NRXN1: variants seen among roughly 807,000 people sequenced by gnomAD.
NRXN1 encodes the protein neurexin-1.
NRXN1 carries 39 observed loss-of-function variants against 150.9 expected under a neutral mutation model. That is an observed-to-expected ratio of 0.26 (90% CI 0.20 to 0.34). The LOEUF is 0.34. Among genes scored for constraint, NRXN1 ranks in the 10% least tolerant of loss-of-function variants. The pLI is 1.00. For synonymous variants in NRXN1, 924 were observed against 757.0 expected (o/e 1.22, Z -3.62); for missense variants, 1,815 against 1,949.9 (o/e 0.93, Z 1.30).
chr2:50,064,049 G>A (rs988649281), intron 19 of NRXN1, among the ~76,000 whole-genome samples: 9 of 152,046 alleles, frequency 5.9e-5, no homozygotes, highest in Non-Finnish European at 1.3e-4. Flanking sequence ...ATTGTGAGAG[G>A]AATAGAACTT....
At chr2:50,139,805 C>T (rs773086848) in intron 18 of NRXN1, among the ~76,000 whole-genome samples, 1 of 151,714 alleles carries the variant, frequency 6.6e-6, no homozygotes, top group South Asian at 2.1e-4. Context: ...TTTTGCAAAT[C>T]GACAGAAAAG....
chr2:51,022,307 A>T (rs1279358640), intron 2 of NRXN1, among the ~76,000 whole-genome samples: 4 of 152,094 alleles, frequency 2.6e-5, no homozygotes, highest in South Asian at 4.1e-4. Flanking sequence ...CAGTATTCTC[A>T]TCCCAATTTC....
At chr2:50,990,367 G>C (rs562677117) in intron 2 of NRXN1, among the ~76,000 whole-genome samples, 47 of 152,008 alleles carry the variant, frequency 3.1e-4, no homozygotes, top group African/African-American at 9.6e-4. Flanking sequence ...CTTTATAAAT[G>C]TCAATGAAAT....
At chr2:50,652,729 G>A (rs1685827741) in intron 5 of NRXN1, among the ~76,000 whole-genome samples, 1 of 152,002 alleles carries the variant, frequency 6.6e-6, no homozygotes, top group South Asian at 2.1e-4. Context: ...TGGAACAGCT[G>A]AGTCATATGA....
At chr2:50,289,215 G>C (rs1021744125) in intron 17 of NRXN1, among the ~76,000 whole-genome samples, 2 of 152,038 alleles carry the variant, frequency 1.3e-5, no homozygotes, top group Non-Finnish European at 2.9e-5. Context: ...AGAGCCCCAA[G>C]GTTAATATTA....
At chr2:50,829,823 A>G (rs375155038) in intron 5 of NRXN1, 4 of 1,362,666 alleles carry the variant, frequency 2.9e-6, no homozygotes, top group South Asian at 1.3e-5. Flanking sequence ...AACATAATAT[A>G]TAACTTCTCT....
chr2:50,227,225 T>C (rs937521907), intron 18 of NRXN1, among the ~76,000 whole-genome samples: 2 of 152,044 alleles, frequency 1.3e-5, no homozygotes, highest in East Asian at 1.9e-4. Context: ...CGTTTGACTT[T>C]GCTTTGTCCT....
At chr2:50,213,086 G>C (rs1173601618) in intron 18 of NRXN1, among the ~76,000 whole-genome samples, 1 of 151,862 alleles carries the variant, frequency 6.6e-6, no homozygotes, top group Admixed American at 6.6e-5. Flanking sequence ...GACAGGAGCT[G>C]GTTGTTGTCT....
At chr2:49,981,006 C>G (rs1482664512) in intron 21 of NRXN1, among the ~76,000 whole-genome samples, 8 of 152,060 alleles carry the variant, frequency 5.3e-5, no homozygotes, top group Non-Finnish European at 8.8e-5. Flanking sequence ...TCTTGCAATT[C>G]TAGTTTTTCT....
intron 17 of NRXN1, among the ~76,000 whole-genome samples, chr2:50,269,044 T>A (rs78898802): frequency 0.018 from 2,712 of 152,286 alleles, 72 homozygotes; most frequent in African/African-American, 0.063. Context: ...ACATTGTAGA[T>A]ATGGAAAGTA....
At chr2:50,383,598 C>T (rs539306786) in intron 17 of NRXN1, among the ~76,000 whole-genome samples, 2 of 152,260 alleles carry the variant, frequency 1.3e-5, no homozygotes, top group East Asian at 1.9e-4. Context: ...ATTGGCCACA[C>T]CCCCTACTAT....
intron 8 of NRXN1, among the ~76,000 whole-genome samples, chr2:50,553,992 A>G (rs1384473279): frequency 2.0e-5 from 3 of 152,196 alleles, no homozygotes; most frequent in Non-Finnish European, 4.4e-5. Flanking sequence ...CATACAGTGG[A>G]TAATCACATT....
intron 5 of NRXN1, among the ~76,000 whole-genome samples, chr2:50,705,671 T>C (rs924458123): frequency 6.6e-6 from 1 of 152,164 alleles, no homozygotes; most frequent in East Asian, 1.9e-4. Context: ...ATAAATGAAG[T>C]CTCAGAAAAT....
At chr2:50,929,093 C>T (rs1687347143) in intron 2 of NRXN1, among the ~76,000 whole-genome samples, 1 of 151,992 alleles carries the variant, frequency 6.6e-6, no homozygotes, top group South Asian at 2.1e-4. Context: ...AAGCAACAGC[C>T]TGTTTTAAAA....
intron 19 of NRXN1, among the ~76,000 whole-genome samples, chr2:50,062,783 T>G (rs966123046): frequency 1.3e-5 from 2 of 152,188 alleles, no homozygotes; most frequent in Non-Finnish European, 2.9e-5. Flanking sequence ...TTCTTCACTC[T>G]TGTGTAATTT....
At chr2:50,639,029 A>T (rs1683653696) in intron 5 of NRXN1, among the ~76,000 whole-genome samples, 1 of 152,028 alleles carries the variant, frequency 6.6e-6, no homozygotes, top group African/African-American at 2.4e-5. Flanking sequence ...CAAACTTTGG[A>T]AAACACAAAC....
intron 5 of NRXN1, among the ~76,000 whole-genome samples, chr2:50,677,659 G>A (rs191330091): frequency 6.6e-6 from 1 of 152,134 alleles, no homozygotes; most frequent in East Asian, 1.9e-4. Flanking sequence ...TATTCTCTAA[G>A]CACATATAAA....
At chr2:50,864,591 T>A (rs1398980556) in intron 5 of NRXN1, among the ~76,000 whole-genome samples, 2 of 152,040 alleles carry the variant, frequency 1.3e-5, no homozygotes, top group Non-Finnish European at 2.9e-5. Context: ...TTTAAAAATC[T>A]ATGTAGAACC....
intron 2 of NRXN1, among the ~76,000 whole-genome samples, chr2:51,017,723 A>C (rs1442974971): frequency 6.6e-6 from 1 of 151,828 alleles, no homozygotes; most frequent in African/African-American, 2.4e-5. Flanking sequence ...GTGAAATACA[A>C]TATGTAACTT....
Sources: allele counts gnomAD v4.1 joint callset (sites outside exome capture counted in the v4.1 genomes callset), GRCh38; gene constraint gnomAD v4.1.1; transcripts MANE v1.5; gene names NCBI Gene and HGNC (gene_info 2026-07-23, HGNC 2026-07-21).